The following CLOCK variants were observed in gnomAD, a reference collection of about 807,000 sequenced individuals.
CLOCK encodes the protein circadian locomoter output cycles protein kaput.
CLOCK carries 43 observed loss-of-function variants against 118.4 expected under a neutral mutation model. That is an observed-to-expected ratio of 0.36 (90% CI 0.28 to 0.47). The LOEUF (loss-of-function observed/expected upper bound fraction) is 0.47. Ranked by LOEUF, CLOCK falls within the 20% of genes least tolerant of loss-of-function variation. The probability of loss-of-function intolerance (pLI) is 1.00; values close to 1 mark genes in which losing one functional copy is unlikely to be tolerated. For missense variants in CLOCK, 846 were observed against 999.9 expected, an observed-to-expected ratio of 0.85 and a Z score of 2.08; for synonymous variants, 326 against 339.2, an observed-to-expected ratio of 0.96 and a Z score of 0.43.
chr4:55,540,800 G>A (rs1353076813), intron 1 of CLOCK: 1 of 152,196 alleles, frequency 6.6e-6, no homozygotes, highest in African/African-American at 2.4e-5. Context: ...GGGGATCAAT[G>A]GGGTAACATG....
chr4:55,438,340 G>T lies in CLOCK; in HGVS notation c.2303C>A (p.Thr768Asn). Reference protein sequence around the residue: ...QQQSSQEQQLTSVQQPSQAQL... With the variant: ...QQQSSQEQQLNSVQQPSQAQL... ...AGCCTGAGATGGTTGCTGAACTGAA[G>T]TGAGCTGCTGCTCCTGGGAGCTCTG... Residue 768 changes from threonine to asparagine, a missense_variant, in exon 22 of 23, where the codon ACT becomes AAT. Physicochemically the swap from Thr to Asn is moderately conservative, Grantham distance 65. This residue lies in a region of CLOCK where 520 missense variants were observed against 558.0 expected (regional missense o/e 0.93). Coordinates refer to ENST00000513440, the MANE Select transcript of CLOCK (RefSeq NM_004898.4). 1.2e-6 allele frequency: 2 copies of T among 1,614,052 alleles called. No individual in the cohort carries two copies. Among genetic ancestry groups the T allele is most frequent in the Non-Finnish European group, 1.7e-6 (2 of 1,179,998 alleles).
At chr4:55,524,934 TAA>T (rs139559391) in intron 1 of CLOCK, among the ~76,000 whole-genome samples, 14 of 149,854 alleles carry the variant, frequency 9.3e-5, no homozygotes, top group Admixed American at 2.7e-4. Context: ...GCAAAAATCT[TAA>T]AAAAAAAAAT....
intron 7 of CLOCK, among the ~76,000 whole-genome samples, chr4:55,471,595 G>A (rs777600122): frequency 6.6e-6 from 1 of 152,220 alleles, no homozygotes; most frequent in African/African-American, 2.4e-5. Context: ...TTTCAGAAGA[G>A]AAGTCAGAGC....
intron 21 of CLOCK, among the ~76,000 whole-genome samples, chr4:55,439,232 A>G (rs1346919972): frequency 6.6e-6 from 1 of 152,226 alleles, no homozygotes; most frequent in Non-Finnish European, 1.5e-5. Context: ...CAAAGAAGAT[A>G]CACAAATGGC....
chr4:55,507,551 T>G (rs1204290018), intron 2 of CLOCK, among the ~76,000 whole-genome samples: 4 of 151,636 alleles, frequency 2.6e-5, no homozygotes, highest in Admixed American at 6.6e-5. Flanking sequence ...AGGTGGAGGT[T>G]GAAGCCAAGA....
rs144933642 is a variant in CLOCK, at chr4:55,536,741, A to G, written c.-290+10041T>C. 2.2e-3 allele frequency among the ~76,000 whole-genome samples: 342 copies of G among 152,278 alleles called. 2 individuals are homozygous for G. Among genetic ancestry groups the G allele is most frequent in the Admixed American group, 3.7e-3 (57 of 15,284 alleles). ...ACAGACTAATACAGCTCCCTAGCCT[A>G]TCTGCATAGAAAATGAACTTCCCCT... On this transcript the variant is annotated intron_variant, in intron 1 of 22. Transcript: ENST00000513440.
chr4:55,482,290 T>C (rs1401252379), intron 4 of CLOCK, among the ~76,000 whole-genome samples: 2 of 152,164 alleles, frequency 1.3e-5, no homozygotes, highest in African/African-American at 4.8e-5. Flanking sequence ...CAAAGGAATA[T>C]GGAGATTTAC....
At chr4:55,525,347 C>T (rs146764256) in intron 1 of CLOCK, among the ~76,000 whole-genome samples, 353 of 152,242 alleles carry the variant, frequency 2.3e-3, no homozygotes, top group African/African-American at 7.8e-3. Context: ...TGGTGGCACA[C>T]GCCTACAGTT....
chr4:55,433,198 C>A lies in CLOCK; in HGVS notation c.*2217G>T, dbSNP rs914723438. 6.6e-6 allele frequency: 1 copy of A among 152,618 alleles called. No homozygotes were observed. Among genetic ancestry groups the A allele is most frequent in the Non-Finnish European group, 1.5e-5 (1 of 68,044 alleles). 9.5% of individuals were successfully genotyped at this position (152,618 alleles called of 1,614,324 possible). A position where few individuals can be genotyped will look rare whatever the true frequency, so the allele number is the denominator to read the frequency against. The stretch of plus-strand genomic sequence containing the variant: ...CATCCCCCTTGTCTGTGTACATATG[C>A]TCAGGTACATACATATTCTGACAAC... On this transcript the variant is annotated 3_prime_UTR_variant, in exon 23 of 23. Transcript: ENST00000513440.
chr4:55,438,566 G>C, intron 21 of CLOCK, 29 bp from the exon 22 acceptor site: 1 of 1,612,254 alleles, frequency 6.2e-7, no homozygotes, highest in African/African-American at 1.3e-5. Flanking sequence ...AAAAAAATTG[G>C]AGTCCAAAGT....
rs1045973049 is a variant in CLOCK, at chr4:55,507,755, A to T, written c.-136+2157T>A. On this transcript the variant is annotated intron_variant, in intron 2 of 22. Coordinates refer to ENST00000513440, the MANE Select transcript of CLOCK (RefSeq NM_004898.4). ...GGGGAATGATTTTGATCATGCATAG[A>T]CATAACAGTTATTGGAACTGGCACA... is the stretch of plus-strand genomic sequence containing the variant. Among the ~76,000 whole-genome samples, 8 of 152,236 alleles carry T rather than the reference A, an allele frequency of 5.3e-5. No individual in the cohort carries two copies. The East Asian group carries it at 1.3e-3, about 26-fold the overall frequency.
intron 1 of CLOCK, among the ~76,000 whole-genome samples, chr4:55,532,607 C>G (rs1236930383): frequency 2.0e-5 from 3 of 152,114 alleles, no homozygotes; most frequent in African/African-American, 7.2e-5. Context: ...TGGCTCAAAC[C>G]TGTAATCCTA....
At chr4:55,463,897 A>T (rs1725544344) in intron 8 of CLOCK, 92 bp from the exon 9 acceptor site, 1 of 1,272,496 alleles carries the variant, frequency 7.9e-7, no homozygotes, top group Non-Finnish European at 1.1e-6. Context: ...CACAGCAGTT[A>T]ACTTTCAATT....
At chr4:55,443,984 G>C (rs1433611978) in intron 19 of CLOCK, 88 bp from the exon 20 acceptor site, 31 of 1,222,808 alleles carry the variant, frequency 2.5e-5, no homozygotes, top group Non-Finnish European at 3.6e-5. Context: ...AAGCTACAAA[G>C]TATGTTTAAA....
intron 3 of CLOCK, among the ~76,000 whole-genome samples, chr4:55,487,293 A>G (rs551519117): frequency 8.7e-4 from 132 of 152,270 alleles, no homozygotes; most frequent in African/African-American, 3.1e-3. Context: ...ATCTCTGAAC[A>G]TGAGCTCACA....
chr4:55,509,079 G>A (rs1365696949), intron 2 of CLOCK, among the ~76,000 whole-genome samples: 1 of 152,164 alleles, frequency 6.6e-6, no homozygotes, highest in African/African-American at 2.4e-5. Context: ...CACAATATAA[G>A]TATTTGAGTA....
At chr4:55,449,355 A>C (rs1724223433) in intron 17 of CLOCK, 41 bp downstream of exon 17, 1 of 1,522,212 alleles carries the variant, frequency 6.6e-7, no homozygotes, top group Non-Finnish European at 9.1e-7. Flanking sequence ...TTCCCCTCTT[A>C]ATAAATCTTT....
At chr4:55,462,430 G>T (rs1426798711) in intron 9 of CLOCK, among the ~76,000 whole-genome samples, 7 of 152,138 alleles carry the variant, frequency 4.6e-5, no homozygotes, top group Non-Finnish European at 8.8e-5. Context: ...GGGACTACAG[G>T]CATGCACCAC....
At chr4:55,448,594 A>ACGCGCGCGCG (rs1553891178) in intron 18 of CLOCK, among the ~76,000 whole-genome samples, 185 bp downstream of exon 18, 2 of 81,340 alleles carry the variant, frequency 2.5e-5, no homozygotes, top group African/African-American at 9.0e-5. Context: ...GCGCGCGCGC[A>ACGCGCGCGCG]CGCGCGCGTG....
Sources: allele counts gnomAD v4.1 joint callset (sites outside exome capture counted in the v4.1 genomes callset), GRCh38; gene constraint gnomAD v4.1.1; regional missense constraint gnomAD v4.1.1; transcripts MANE v1.5; gene names NCBI Gene and HGNC (gene_info 2026-07-23, HGNC 2026-07-21).